CDH12: variants seen among roughly 807,000 people sequenced by gnomAD.
CDH12 encodes the protein cadherin-12.
Under a neutral mutation model 74.1 loss-of-function variants are expected in CDH12, and 41 were observed. The observed-to-expected ratio is 0.55, with a 90% confidence interval of 0.43 to 0.72. The LOEUF is 0.72. Among genes scored for constraint, CDH12 ranks in the 30% least tolerant of loss-of-function variants. CDH12 has a pLI of 0.00. For missense variants in CDH12, 945 were observed against 977.2 expected, an observed-to-expected ratio of 0.97 and a Z score of 0.44; for synonymous variants, 399 against 355.0, an observed-to-expected ratio of 1.12 and a Z score of -1.39.
chr5:22,479,043 G>A (rs1383345870), intron 2 of CDH12, among the ~76,000 whole-genome samples: 1 of 152,070 alleles, frequency 6.6e-6, no homozygotes, highest in Non-Finnish European at 1.5e-5. Flanking sequence ...GCCATTATCT[G>A]GATACATGCA....
At chr5:22,444,143 T>C (rs181552290) in intron 2 of CDH12, among the ~76,000 whole-genome samples, 18 of 152,132 alleles carry the variant, frequency 1.2e-4, no homozygotes, top group Admixed American at 1.2e-3. Flanking sequence ...AAACATACAA[T>C]TAAATAAATC....
chr5:22,392,859 A>G (rs937752732), intron 3 of CDH12, among the ~76,000 whole-genome samples: 11 of 152,074 alleles, frequency 7.2e-5, no homozygotes, highest in African/African-American at 2.2e-4. Flanking sequence ...CCTTTCTCAC[A>G]CTGTTCTACA....
At chr5:22,606,402 G>C (rs1378028789) in intron 1 of CDH12, among the ~76,000 whole-genome samples, 1 of 152,150 alleles carries the variant, frequency 6.6e-6, no homozygotes, top group Non-Finnish European at 1.5e-5. Context: ...ATCTCACCTT[G>C]AATTGTAATA....
intron 6 of CDH12, among the ~76,000 whole-genome samples, chr5:21,929,311 C>A (rs528373565): frequency 6.6e-6 from 1 of 151,802 alleles, no homozygotes; most frequent in South Asian, 2.1e-4. Flanking sequence ...AATTATACAA[C>A]TCACTGTATA....
rs531624868 is a variant in CDH12 at position 22,252,513 on chromosome 5, A to G, written c.-332-39870T>C. ...TTCCCAAATTTTTATGGCATCGTTA[A>G]CCATCCAAATAATTAAACTGATGCC... On this transcript the variant is annotated intron_variant, in intron 3 of 14. Transcript: ENST00000382254. Among the ~76,000 whole-genome samples the G allele has an allele frequency of 7.9e-5, 12 of 152,154 alleles. No homozygotes were observed. The South Asian group carries it at 2.5e-3, about 32-fold the overall frequency.
intron 1 of CDH12, among the ~76,000 whole-genome samples, chr5:22,656,900 G>A (rs554870515): frequency 6.6e-6 from 1 of 151,996 alleles, no homozygotes; most frequent in Non-Finnish European, 1.5e-5. Context: ...TGTGTGACAC[G>A]AACACAGCTC....
At chr5:22,282,949 T>C (rs1037263256) in intron 3 of CDH12, among the ~76,000 whole-genome samples, 4 of 152,016 alleles carry the variant, frequency 2.6e-5, no homozygotes, top group African/African-American at 7.2e-5. Flanking sequence ...CGTATGTTTA[T>C]TGGGGCACTG....
chr5:21,929,697 T>C (rs1247748977), intron 6 of CDH12, among the ~76,000 whole-genome samples: 1 of 152,064 alleles, frequency 6.6e-6, no homozygotes, highest in Non-Finnish European at 1.5e-5. Flanking sequence ...TTTGTATTTT[T>C]TTGTAGAGGC....
intron 3 of CDH12, among the ~76,000 whole-genome samples, chr5:22,391,622 C>G (rs1742252332): frequency 6.6e-6 from 1 of 151,894 alleles, no homozygotes; most frequent in South Asian, 2.1e-4. Flanking sequence ...AATACATTAT[C>G]AATGGAATTA....
intron 5 of CDH12, among the ~76,000 whole-genome samples, chr5:21,984,196 T>A (rs2150129750): frequency 6.6e-6 from 1 of 152,296 alleles, no homozygotes; most frequent in African/African-American, 2.4e-5. Context: ...AATAAAAGAA[T>A]CAATCATTTC....
intron 3 of CDH12, among the ~76,000 whole-genome samples, chr5:22,273,779 C>T (rs930771947): frequency 2.6e-5 from 4 of 152,162 alleles, no homozygotes; most frequent in Admixed American, 2.0e-4. Context: ...GGGAATACTG[C>T]TTGGTCTGTT....
At chr5:21,950,248 A>T (rs1195956641) in intron 6 of CDH12, among the ~76,000 whole-genome samples, 1 of 152,212 alleles carries the variant, frequency 6.6e-6, no homozygotes, top group East Asian at 1.9e-4. Context: ...CTATTTACAC[A>T]TAGAATACAC....
chr5:22,012,162 G>A (rs1050861401), intron 5 of CDH12, among the ~76,000 whole-genome samples: 7 of 151,916 alleles, frequency 4.6e-5, no homozygotes, highest in Admixed American at 2.6e-4. Flanking sequence ...TATGCTATTG[G>A]AATTTCTGAT....
At chr5:22,532,876 T>C (rs1181253859) in intron 1 of CDH12, among the ~76,000 whole-genome samples, 2 of 151,972 alleles carry the variant, frequency 1.3e-5, no homozygotes, top group East Asian at 3.9e-4. Context: ...AAGTCTATCT[T>C]CTGCATAACA....
intron 4 of CDH12, among the ~76,000 whole-genome samples, chr5:22,148,335 T>C (rs908621918): frequency 7.2e-5 from 11 of 152,064 alleles, no homozygotes; most frequent in Non-Finnish European, 1.5e-4. Context: ...CTTCACAGTT[T>C]TCTGAGTTGT....
chr5:22,063,233 T>TA (rs1741317429), intron 5 of CDH12, among the ~76,000 whole-genome samples: 1 of 152,296 alleles, frequency 6.6e-6, no homozygotes, highest in South Asian at 2.1e-4. Flanking sequence ...CATATAATTT[T>TA]AAAAAACTGA....
At chr5:22,086,935 TC>T (rs1743106222) in intron 4 of CDH12, among the ~76,000 whole-genome samples, 1 of 152,160 alleles carries the variant, frequency 6.6e-6, no homozygotes, top group Non-Finnish European at 1.5e-5. Context: ...CTGTGGTCTT[TC>T]ACCCAAAAAT....
chr5:22,181,352 C>T (rs1749635191), intron 4 of CDH12, among the ~76,000 whole-genome samples: 2 of 152,192 alleles, frequency 1.3e-5, no homozygotes, highest in African/African-American at 2.4e-5. Flanking sequence ...ATAGAAGTCC[C>T]CTATTCTCCT....
At chr5:22,110,479 G>T (rs143295650) in intron 4 of CDH12, among the ~76,000 whole-genome samples, 1 of 151,854 alleles carries the variant, frequency 6.6e-6, no homozygotes, top group Admixed American at 6.6e-5. Flanking sequence ...GGGAAGGGGT[G>T]GGGGTGGCTA....
Sources: gnomAD v4.1 joint callset for allele counts (sites outside exome capture counted in the v4.1 genomes callset) on GRCh38, gnomAD v4.1.1 for gene constraint, MANE v1.5 for transcripts, NCBI Gene and HGNC (gene_info 2026-07-23, HGNC 2026-07-21) for gene names.